GIMAP8: variants seen among roughly 807,000 people sequenced by gnomAD.
GIMAP8 encodes GTPase IMAP family member 8.
In GIMAP8, 29 loss-of-function variants were observed where a neutral mutation model predicts 35.6. That is an observed-to-expected ratio of 0.81 (90% CI 0.61 to 1.11). The LOEUF is 1.11. Among genes scored for constraint, GIMAP8 ranks in the 50% most tolerant of loss-of-function variants. GIMAP8 has a pLI of 0.00. For synonymous variants in GIMAP8, 335 were observed against 308.7 expected, an observed-to-expected ratio of 1.09 and a Z score of -0.89; for missense variants, 811 against 805.0, an observed-to-expected ratio of 1.01 and a Z score of -0.09.
Position 150,477,635 on chromosome 7 carries a change from TA to T in GIMAP8, c.1855del (p.Thr619GlnfsTer6). 6.2e-7 allele frequency: 1 copy of T among 1,614,190 alleles called. No individual in the cohort carries two copies. Among genetic ancestry groups the T allele is most frequent in the Non-Finnish European group, 8.5e-7 (1 of 1,180,034 alleles). ...CAGGAAACCCAGGTGAAAGCTCTTT[TA>T]ACAAAGGTCAATGATCTGAGAAAAG... is the stretch of plus-strand genomic sequence containing the variant. The part of the protein sequence containing the change: ...QAQETQVKAL[L>X]TKVNDLRKES... On this transcript the variant is annotated frameshift_variant, in exon 5 of 5. Coordinates refer to ENST00000307271, the MANE Select transcript of GIMAP8 (RefSeq NM_175571.4). LOFTEE classifies it low-confidence loss of function (END_TRUNC).
intron 1 of GIMAP8, among the ~76,000 whole-genome samples, chr7:150,460,213 C>T: frequency 6.6e-6 from 1 of 152,188 alleles, no homozygotes; most frequent in Non-Finnish European, 1.5e-5. Flanking sequence ...GACTGGGATC[C>T]ACAGAATGGG....
intron 1 of GIMAP8, among the ~76,000 whole-genome samples, chr7:150,464,598 A>G (rs946951372): frequency 6.6e-6 from 1 of 152,150 alleles, no homozygotes; most frequent in Non-Finnish European, 1.5e-5. Flanking sequence ...GCAGGAGATG[A>G]CTTGAGCCCA....
In GIMAP8 at chr7:150,478,033, GC is replaced by G; in HGVS notation, c.*254del. 1 of 516,208 alleles carries G rather than the reference GC, an allele frequency of 1.9e-6. No homozygotes were observed. The allele number at this position is 516,208 out of a possible 1,614,324, so 32.0% of individuals were successfully genotyped here. On this transcript the variant is annotated 3_prime_UTR_variant, in exon 5 of 5. Coordinates refer to ENST00000307271, the MANE Select transcript of GIMAP8 (RefSeq NM_175571.4). ...TCTGGAAAAAGATTTCAGACATTAGGCTGATAATAAGTGGTAGAATCAAGTC... is the reference window on the plus strand; with the variant it reads ...TCTGGAAAAAGATTTCAGACATTAGGTGATAATAAGTGGTAGAATCAAGTC...
intron 2 of GIMAP8, among the ~76,000 whole-genome samples, chr7:150,467,845 G>T (rs562255019): frequency 6.6e-6 from 1 of 152,220 alleles, no homozygotes; most frequent in South Asian, 2.1e-4. Context: ...GTTTTCAAAT[G>T]AGTAGTAACT....
chr7:150,468,843 G>C (rs1467031499), intron 2 of GIMAP8, among the ~76,000 whole-genome samples: 1 of 152,048 alleles, frequency 6.6e-6, no homozygotes, highest in Admixed American at 6.5e-5. Flanking sequence ...TTAAGTCCTC[G>C]TGACAACCCT....
rs147393052 is a variant in GIMAP8, at chr7:150,477,478, C to A, written c.1696C>A (p.Arg566=). 5.6e-6 allele frequency: 9 copies of A among 1,614,030 alleles called. No homozygotes were observed. The highest frequency in any genetic ancestry group is 5.3e-5 in the African/African-American group (4 of 74,922). Residue 566 remains arginine (R), a synonymous_variant, in exon 5 of 5, where the codon CGG becomes AGG. Transcript: ENST00000307271. ...FTKYAIMLFT[R]KEDLGAGNLE... Reference sequence around the variant, plus strand: ...GAAATACGCGATTATGCTGTTCACCCGGAAGGAAGACCTAGGGGCGGGGAA... The same window carrying A: ...GAAATACGCGATTATGCTGTTCACCAGGAAGGAAGACCTAGGGGCGGGGAA...
intron 1 of GIMAP8, among the ~76,000 whole-genome samples, chr7:150,460,136 C>G (rs942779433): frequency 2.0e-5 from 3 of 152,206 alleles, no homozygotes; most frequent in African/African-American, 7.2e-5. Context: ...ATCTCCACCT[C>G]TGCCATCATG....
At position 150,477,757 on chromosome 7, in the gene GIMAP8, A is replaced by T; in HGVS notation, c.1975A>T (p.Asn659Tyr). The change falls in exon 5 of 5, where the codon AAT becomes TAT. Residue 659 changes from asparagine to tyrosine, a missense_variant. By Grantham distance (143) the Asn-to-Tyr change is moderately radical. Transcript: ENST00000307271. ...EMSQAEKLLKNLIGILQ is the reference protein window; with the variant it reads ...EMSQAEKLLKYLIGILQ ...GTCCCAAGCCGAAAAACTCCTTAAA[A>T]ATTTAATAGGTATTTTACAATAGGT... 1 of 1,613,290 alleles carries T rather than the reference A, an allele frequency of 6.2e-7. No homozygotes were observed. The highest frequency in any genetic ancestry group is 8.5e-7 in the Non-Finnish European group (1 of 1,179,780).
In GIMAP8 at chr7:150,477,700, G is replaced by T; in HGVS notation, c.1918G>T (p.Val640Phe). The T allele has an allele frequency of 6.2e-7, 1 of 1,614,142 alleles. No individual in the cohort carries two copies. The highest frequency in any genetic ancestry group is 8.5e-7 in the Non-Finnish European group (1 of 1,180,030). The change falls in exon 5 of 5, where the codon GTC becomes TTC. Residue 640 changes from valine to phenylalanine, a missense_variant. Coordinates refer to ENST00000307271, the MANE Select transcript of GIMAP8 (RefSeq NM_175571.4). ...WSGYPHTQEN[V>F]SKLIKNVQEM... ...CGGGTATCCCCATACACAGGAGAAC[G>T]TCAGCAAACTAATTAAAAATGTCCA... is the stretch of plus-strand genomic sequence containing the variant.
intron 1 of GIMAP8, among the ~76,000 whole-genome samples, chr7:150,462,639 T>C (rs924407360): frequency 1.3e-5 from 2 of 152,230 alleles, no homozygotes; most frequent in Non-Finnish European, 2.9e-5. Context: ...AATTTTTTTT[T>C]CCAGTACTTT....
intron 3 of GIMAP8, among the ~76,000 whole-genome samples, chr7:150,473,499 T>G (rs1270087062): frequency 2.7e-5 from 4 of 149,250 alleles, no homozygotes; most frequent in Non-Finnish European, 5.9e-5. Context: ...TATGGTAGAA[T>G]CATCTAGTAT....
At chr7:150,456,133 T>C (rs538747559) in intron 1 of GIMAP8, among the ~76,000 whole-genome samples, 2 of 152,214 alleles carry the variant, frequency 1.3e-5, no homozygotes, top group Non-Finnish European at 2.9e-5. Context: ...AACTGTCATC[T>C]GGTAGAGCTG....
At chr7:150,461,822 A>C (rs1440145222) in intron 1 of GIMAP8, among the ~76,000 whole-genome samples, 4 of 151,960 alleles carry the variant, frequency 2.6e-5, no homozygotes, top group African/African-American at 9.7e-5. Flanking sequence ...TACTCCTGTC[A>C]TTGTGTTGTT....
In GIMAP8 at chr7:150,477,837, G is replaced by T; in HGVS notation, c.*57G>T. ...GAGACACCCTCAGGTTGGGGGGAGG[G>T]GCGGGGCATGGTACAACCTGTGGGA... On this transcript the variant is annotated 3_prime_UTR_variant, in exon 5 of 5. Transcript: ENST00000307271. The T allele has an allele frequency of 7.1e-7, 1 of 1,406,102 alleles. No individual in the cohort carries two copies. Among genetic ancestry groups the T allele is most frequent in the Non-Finnish European group, 9.8e-7 (1 of 1,019,812 alleles). 87.1% of individuals were successfully genotyped at this position (1,406,102 alleles called of 1,614,324 possible).
chr7:150,461,525 T>C (rs1169925988), intron 1 of GIMAP8, among the ~76,000 whole-genome samples: 2 of 152,240 alleles, frequency 1.3e-5, no homozygotes, highest in Non-Finnish European at 2.9e-5. Flanking sequence ...GATGTAAGTA[T>C]AGCTACTCCT....
At position 150,469,712 on chromosome 7, in the gene GIMAP8, T is replaced by TA. The variant is rs11311795; in HGVS notation, c.637-1106dup. On this transcript the variant is annotated intron_variant, in intron 2 of 4. Coordinates refer to ENST00000307271, the MANE Select transcript of GIMAP8 (RefSeq NM_175571.4). The stretch of plus-strand genomic sequence containing the variant: ...CTTTTAGAACTCTATGCCCTGGAAA[T>TA]AAAAAAAAAAAGGTATACCTAAAGA... 6.6e-4 allele frequency among the ~76,000 whole-genome samples: 87 copies of TA among 132,448 alleles called. No individual in the cohort carries two copies. The Middle Eastern group carries it at 0.012, about 19-fold the overall frequency. 86.9% of individuals were successfully genotyped at this position (132,448 alleles called of 152,430 possible).
At chr7:150,471,261 G>A (rs1802083862) in intron 3 of GIMAP8, among the ~76,000 whole-genome samples, 1 of 152,194 alleles carries the variant, frequency 6.6e-6, no homozygotes, top group African/African-American at 2.4e-5. Context: ...CTCTGATGGG[G>A]TGCAGTATTC....
intron 4 of GIMAP8, among the ~76,000 whole-genome samples, chr7:150,475,518 G>A (rs1802209346): frequency 6.6e-6 from 1 of 152,160 alleles, no homozygotes; most frequent in African/African-American, 2.4e-5. Context: ...TTTCCCCACA[G>A]TGTACTGTTG....
rs1028478372 is a variant in GIMAP8 at position 150,451,547 on chromosome 7, C to T, written c.-29+372C>T. 5.3e-5 allele frequency among the ~76,000 whole-genome samples: 8 copies of T among 151,990 alleles called. No homozygotes were observed. Among genetic ancestry groups the T allele is most frequent in the South Asian group, 2.1e-4 (1 of 4,822 alleles). ...GTGGCTGTCCTAAAAGAAGGCGTGT[C>T]GGGGAGTGGGTGTGAGCCCTGAAGA... On this transcript the variant is annotated intron_variant, in intron 1 of 4. Transcript: ENST00000307271. The surrounding 1 kb of genome is among the most constrained non-coding windows in gnomAD (Gnocchi z 4.1).
Sources: allele counts gnomAD v4.1 joint callset (sites outside exome capture counted in the v4.1 genomes callset), GRCh38; gene constraint gnomAD v4.1.1; non-coding constraint Gnocchi (gnomAD v3.1); transcripts MANE v1.5; gene names NCBI Gene and HGNC (gene_info 2026-07-23, HGNC 2026-07-21).